CDC14B: variants seen among roughly 807,000 people sequenced by gnomAD.
CDC14B encodes the protein dual specificity protein phosphatase CDC14B.
Under a neutral mutation model 64.2 loss-of-function variants are expected in CDC14B, and 22 were observed. The ratio of observed to expected loss-of-function variants is 0.34; its 90% CI spans 0.24 to 0.49. The LOEUF is 0.49. CDC14B is among the 20% of genes least tolerant of loss of function. CDC14B has a pLI of 0.99. For missense variants in CDC14B, 498 were observed against 629.9 expected (o/e 0.79, Z 2.24); for synonymous variants, 191 against 215.8 (o/e 0.89, Z 1.01).
chr9:96,600,293 G>A (rs904434982), intron 1 of CDC14B, among the ~76,000 whole-genome samples: 2 of 151,284 alleles, frequency 1.3e-5, no homozygotes. Flanking sequence ...AATTCTGGAG[G>A]GAAATGAGAA....
At chr9:96,528,337 C>G (rs1837900447) in intron 9 of CDC14B, among the ~76,000 whole-genome samples, 1 of 152,090 alleles carries the variant, frequency 6.6e-6, no homozygotes. Context: ...GCCTGGCCAA[C>G]ATGGTGAAAC....
intron 1 of CDC14B, among the ~76,000 whole-genome samples, chr9:96,618,895 C>T (rs969004464): frequency 6.6e-5 from 10 of 152,214 alleles, no homozygotes; most frequent in Non-Finnish European, 1.0e-4. Context: ...AGAAGCAGCC[C>T]GCGGGGAGGA....
intron 1 of CDC14B, among the ~76,000 whole-genome samples, chr9:96,615,858 C>A (rs1377737813): frequency 6.6e-6 from 1 of 152,194 alleles, no homozygotes; most frequent in East Asian, 1.9e-4. Flanking sequence ...TGTACTCTGG[C>A]CTGGCGTTTT....
intron 13 of CDC14B, among the ~76,000 whole-genome samples, chr9:96,507,321 A>C (rs1487113054): frequency 6.6e-6 from 1 of 151,988 alleles, no homozygotes; most frequent in Non-Finnish European, 1.5e-5. Context: ...GAAAAAAAAA[A>C]AAAAAAAAGC....
At position 96,552,090 on chromosome 9, in the gene CDC14B, A is replaced by G. The variant is rs140570406; in HGVS notation, c.421-218T>C. ...TTGTTTGCAGTATAAGCCCTGACCA[A>G]CAACTCTTCACAGCAACCTTTTGTG... On this transcript the variant is annotated intron_variant, in intron 4 of 13. Transcript: ENST00000375241. Among the ~76,000 whole-genome samples the G allele has an allele frequency of 9.8e-5, 15 of 152,348 alleles. No individual in the cohort carries two copies. In the East Asian group the frequency reaches 2.9e-3, roughly 29 times the overall value.
intron 1 of CDC14B, among the ~76,000 whole-genome samples, chr9:96,600,813 G>A (rs1846387581): frequency 1.3e-5 from 2 of 152,196 alleles, no homozygotes; most frequent in South Asian, 2.1e-4. Flanking sequence ...TAGCGTTTGT[G>A]TTTATAACCT....
chr9:96,566,814 C>A, intron 1 of CDC14B: 1 of 1,606,080 alleles, frequency 6.2e-7, no homozygotes, highest in Non-Finnish European at 8.5e-7. Context: ...CCTCCCGGCT[C>A]ATGACTCCAA....
intron 6 of CDC14B, among the ~76,000 whole-genome samples, chr9:96,539,899 G>C (rs1839802661): frequency 6.6e-6 from 1 of 152,174 alleles, no homozygotes; most frequent in Admixed American, 6.5e-5. Context: ...CAAACAGGAG[G>C]GAAGCAAGAA....
chr9:96,564,298 C>T (rs1038269092), intron 3 of CDC14B, among the ~76,000 whole-genome samples: 9 of 152,128 alleles, frequency 5.9e-5, no homozygotes, highest in Admixed American at 1.3e-4. Flanking sequence ...GATTCTCACG[C>T]CCCTTAATCG....
Position 96,520,173 on chromosome 9 carries a change from C to T in CDC14B, c.1343+2333G>A, listed in dbSNP as rs16911048. On this transcript the variant is annotated intron_variant, in intron 12 of 13. Transcript: ENST00000375241. ...TGCTGAGACTCATCAAAAATCCCCT[C>T]GGGTCTATACACATAACTCAGAGCT... Among the ~76,000 whole-genome samples, 364 of 152,254 alleles carry T rather than the reference C, an allele frequency of 2.4e-3. 13 individuals carry two copies. In the East Asian group the frequency reaches 0.064, roughly 27 times the overall value.
At chr9:96,524,761 T>G (rs930665109) in intron 9 of CDC14B, among the ~76,000 whole-genome samples, 1 of 152,164 alleles carries the variant, frequency 6.6e-6, no homozygotes, top group Non-Finnish European at 1.5e-5. Flanking sequence ...AACTCTCCCA[T>G]GTTTCCAGGC....
At chr9:96,585,661 TAATGGAATGTAA>T (rs1404862299) in intron 1 of CDC14B, among the ~76,000 whole-genome samples, 1 of 152,194 alleles carries the variant, frequency 6.6e-6, no homozygotes, top group Non-Finnish European at 1.5e-5. Flanking sequence ...CATACATTGC[TAATGGAATGTAA>T]AATGGTATGT....
chr9:96,543,180 C>T (rs576261009), intron 5 of CDC14B, among the ~76,000 whole-genome samples: 6 of 151,852 alleles, frequency 4.0e-5, no homozygotes, highest in South Asian at 2.1e-4. Context: ...ACTAAAAATA[C>T]GAAAAATGAG....
At chr9:96,494,168 T>C (rs1256663252) in intron 13 of CDC14B, among the ~76,000 whole-genome samples, 3 of 152,216 alleles carry the variant, frequency 2.0e-5, no homozygotes, top group Non-Finnish European at 2.9e-5. Context: ...TTAGGGAAGG[T>C]AGAAACTGAA....
downstream of CDC14B, among the ~76,000 whole-genome samples, chr9:96,498,436 G>A (rs1833341833): frequency 1.3e-5 from 2 of 152,160 alleles, no homozygotes; most frequent in African/African-American, 4.8e-5. Context: ...TCCACTGAGG[G>A]GCCGCGGGAA....
At chr9:96,591,266 C>T (rs1364693392) in intron 1 of CDC14B, among the ~76,000 whole-genome samples, 1 of 152,158 alleles carries the variant, frequency 6.6e-6, no homozygotes, top group African/African-American at 2.4e-5. Context: ...AGATACTTTG[C>T]ATTAATTTTT....
At chr9:96,616,425 C>T (rs901313105) in intron 1 of CDC14B, among the ~76,000 whole-genome samples, 7 of 152,010 alleles carry the variant, frequency 4.6e-5, no homozygotes, top group African/African-American at 1.7e-4. Flanking sequence ...GGGAGGAAGA[C>T]TCCATAAAAC....
Position 96,523,331 on chromosome 9 carries a change from T to G in CDC14B, c.1175A>C (p.Lys392Thr), listed in dbSNP as rs755281460. The change falls in exon 11 of 14, where the codon AAA becomes ACA. Residue 392 changes from lysine to threonine, a missense_variant. Physicochemically the swap from Lys to Thr is moderately conservative, Grantham distance 78. Transcript: ENST00000375241. ...AATGTCATCAACGCCAGAGAGAAGT[T>G]TGGAGAAGGCTGCTCTGTGTTGTCC... Reference protein sequence around the residue: ...ENGQHRAAFSKLLSGVDDISI... With the variant: ...ENGQHRAAFSTLLSGVDDISI... The G allele has an allele frequency of 1.9e-5, 30 of 1,614,054 alleles. No individual in the cohort carries two copies. Among genetic ancestry groups the G allele is most frequent in the Admixed American group, 3.3e-5 (2 of 60,000 alleles).
chr9:96,585,634 G>A lies in CDC14B; in HGVS notation c.161-20151C>T, dbSNP rs540137656. Among the ~76,000 whole-genome samples, 22 of 152,312 alleles carry A rather than the reference G, an allele frequency of 1.4e-4. No individual in the cohort carries two copies. In the South Asian group the frequency reaches 4.1e-3, roughly 29 times the overall value. On this transcript the variant is annotated intron_variant, in intron 1 of 13. Transcript: ENST00000375241. Reference sequence around the variant, plus strand: ...GACAACACCAATTGTTGGAGAAGATGTAGTGCAATTAGAATTCATACATTG... The same window carrying A: ...GACAACACCAATTGTTGGAGAAGATATAGTGCAATTAGAATTCATACATTG...
Sources: gnomAD v4.1 joint callset for allele counts (sites outside exome capture counted in the v4.1 genomes callset) on GRCh38, gnomAD v4.1.1 for gene constraint, MANE v1.5 for transcripts, NCBI Gene and HGNC (gene_info 2026-07-23, HGNC 2026-07-21) for gene names.